TNR: variants seen among roughly 807,000 people sequenced by gnomAD.
TNR encodes tenascin-R.
A neutral mutation model predicts 150.4 loss-of-function variants in TNR; 45 were observed. The observed-to-expected ratio is 0.30, with a 90% CI of 0.24 to 0.38. TNR has a LOEUF of 0.38. TNR is among the 10% of genes least tolerant of loss of function. The pLI is 1.00. For synonymous variants in TNR, 687 were observed against 678.4 expected, an observed-to-expected ratio of 1.01 and a Z score of -0.20; for missense variants, 1,544 against 1,759.1, an observed-to-expected ratio of 0.88 and a Z score of 2.19.
At chr1:175,439,185 C>T (rs1354064806) in intron 2 of TNR, among the ~76,000 whole-genome samples, 1 of 151,656 alleles carries the variant, frequency 6.6e-6, no homozygotes, top group Admixed American at 6.6e-5. Flanking sequence ...AGATATAGAC[C>T]AATGGAACAG....
intron 2 of TNR, among the ~76,000 whole-genome samples, chr1:175,508,741 C>T (rs939221951): frequency 1.3e-5 from 2 of 152,208 alleles, no homozygotes; most frequent in Admixed American, 1.3e-4. Flanking sequence ...CACAAGAGAC[C>T]CTGAATGTGA....
chr1:175,537,381 G>A (rs988025349), intron 1 of TNR, among the ~76,000 whole-genome samples: 2 of 152,124 alleles, frequency 1.3e-5, no homozygotes, highest in Non-Finnish European at 1.5e-5. Context: ...CCTTTAAATG[G>A]CTCTTGTAGG....
At chr1:175,593,799 C>A (rs1403484512) in intron 1 of TNR, among the ~76,000 whole-genome samples, 3 of 152,124 alleles carry the variant, frequency 2.0e-5, no homozygotes, top group Non-Finnish European at 2.9e-5. Flanking sequence ...TTTGTTTTCT[C>A]CATGATAGAG....
At position 175,406,415 on chromosome 1, in the gene TNR, C is replaced by T. The variant is rs1428339795; in HGVS notation, c.300G>A (p.Glu100=). Residue 100 remains glutamate (E), a synonymous_variant, in exon 3 of 23, where the codon GAG becomes GAA. Coordinates refer to ENST00000367674, the MANE Select transcript of TNR (RefSeq NM_003285.3). The part of the protein sequence containing the change: ...EVSAEDETLA[E]YMGQTSDHES... ...CGTGGTCTGAGGTCTGGCCCATGTA[C>T]TCTGCCAGAGTCTCGTCTTCTGCAC... The T allele has an allele frequency of 1.9e-6, 3 of 1,614,172 alleles. No homozygotes were observed. Among genetic ancestry groups the T allele is most frequent in the South Asian group, 2.2e-5 (2 of 91,078 alleles).
Position 175,403,444 on chromosome 1 carries a change from C to T in TNR, c.672G>A (p.Glu224=), listed in dbSNP as rs1311403515. 8 of 1,614,106 alleles carry T rather than the reference C, an allele frequency of 5.0e-6. No individual in the cohort carries two copies. In the African/African-American group the frequency reaches 5.3e-5, roughly 11 times the overall value. Residue 224 remains glutamate (E), a synonymous_variant, in exon 4 of 23, where the codon GAG becomes GAA. Coordinates refer to ENST00000367674, the MANE Select transcript of TNR (RefSeq NM_003285.3). ...GTTCGGAACAGTCATCCCCGCTGTA[C>T]TCGCTGTCACAGATGCACTGGCCAT... The part of the protein sequence containing the change: ...CVDGQCICDS[E]YSGDDCSELR...
At chr1:175,376,254 C>A (rs1321790738) in intron 9 of TNR, among the ~76,000 whole-genome samples, 1 of 152,140 alleles carries the variant, frequency 6.6e-6, no homozygotes, top group African/African-American at 2.4e-5. Flanking sequence ...AGCTCACAGA[C>A]CTCCTCATCT....
At chr1:175,576,057 G>A (rs545959947) in intron 1 of TNR, among the ~76,000 whole-genome samples, 16 of 152,290 alleles carry the variant, frequency 1.1e-4, no homozygotes, top group South Asian at 1.0e-3. Flanking sequence ...GTAATAACCC[G>A]TCACCAGAGC....
At chr1:175,361,023 A>T (rs1461621323) in intron 14 of TNR, among the ~76,000 whole-genome samples, 1 of 152,202 alleles carries the variant, frequency 6.6e-6, no homozygotes, top group African/African-American at 2.4e-5. Flanking sequence ...TGGTGTACCA[A>T]ATATCTGCTT....
intron 1 of TNR, among the ~76,000 whole-genome samples, chr1:175,687,510 G>A (rs1375309130): frequency 6.6e-6 from 1 of 152,102 alleles, no homozygotes; most frequent in Non-Finnish European, 1.5e-5. Context: ...AAAGCAACAT[G>A]TTCTGTCCCT....
At chr1:175,614,153 T>G (rs1324631452) in intron 1 of TNR, among the ~76,000 whole-genome samples, 1 of 152,246 alleles carries the variant, frequency 6.6e-6, no homozygotes, top group African/African-American at 2.4e-5. Flanking sequence ...ATATTTAATT[T>G]TTCTTATTAA....
chr1:175,404,931 T>A (rs896301250), intron 3 of TNR, among the ~76,000 whole-genome samples: 2 of 152,230 alleles, frequency 1.3e-5, no homozygotes, highest in African/African-American at 2.4e-5. Flanking sequence ...AAGGAACCCA[T>A]GAAATATTTT....
intron 2 of TNR, among the ~76,000 whole-genome samples, chr1:175,418,006 G>A (rs1367920718): frequency 2.0e-5 from 3 of 152,144 alleles, no homozygotes; most frequent in African/African-American, 7.2e-5. Flanking sequence ...GCACCGCCCT[G>A]ACCCAAAGAC....
intron 2 of TNR, among the ~76,000 whole-genome samples, chr1:175,448,366 C>A (rs1259237897): frequency 6.6e-6 from 1 of 152,154 alleles, no homozygotes; most frequent in African/African-American, 2.4e-5. Context: ...TGTGTGCCAC[C>A]ACGCCTGGCT....
chr1:175,499,139 T>C (rs1245295178), intron 2 of TNR, among the ~76,000 whole-genome samples: 1 of 152,206 alleles, frequency 6.6e-6, no homozygotes. Flanking sequence ...TCTGGCTTGT[T>C]TTTGTTTTTA....
intron 4 of TNR, among the ~76,000 whole-genome samples, chr1:175,398,998 T>G (rs568998201): frequency 3.3e-5 from 5 of 152,210 alleles, no homozygotes; most frequent in Non-Finnish European, 7.4e-5. Context: ...CCTGATGTTC[T>G]ACAGTTTTCA....
intron 2 of TNR, among the ~76,000 whole-genome samples, chr1:175,433,531 T>C (rs553586066): frequency 3.9e-5 from 6 of 152,270 alleles, no homozygotes; most frequent in Admixed American, 1.3e-4. Flanking sequence ...GTACTTGCAG[T>C]AGAGCCTCCT....
At chr1:175,431,787 T>C (rs962269061) in intron 2 of TNR, among the ~76,000 whole-genome samples, 1 of 152,132 alleles carries the variant, frequency 6.6e-6, no homozygotes, top group African/African-American at 2.4e-5. Flanking sequence ...AAACAGATGC[T>C]TGTGAATGGT....
intron 1 of TNR, among the ~76,000 whole-genome samples, chr1:175,699,364 A>T (rs1156937147): frequency 6.6e-6 from 1 of 152,178 alleles, no homozygotes; most frequent in Non-Finnish European, 1.5e-5. Flanking sequence ...GGCTCATTTG[A>T]GGTTTGTGAC....
At chr1:175,481,756 T>A (rs1161513896) in intron 2 of TNR, among the ~76,000 whole-genome samples, 1 of 152,164 alleles carries the variant, frequency 6.6e-6, no homozygotes, top group African/African-American at 2.4e-5. Flanking sequence ...GTATTCCAGG[T>A]CATCCTCAAG....
Sources: allele counts gnomAD v4.1 joint callset (sites outside exome capture counted in the v4.1 genomes callset), GRCh38; gene constraint gnomAD v4.1.1; transcripts MANE v1.5; gene names NCBI Gene and HGNC (gene_info 2026-07-23, HGNC 2026-07-21).